Variants in NECTIN3 observed in about 807,000 individuals in gnomAD.
NECTIN3 encodes the protein nectin-3.
In NECTIN3, 8 loss-of-function variants were observed where a neutral mutation model predicts 49.4. That is an observed-to-expected ratio of 0.16 (90% CI 0.10 to 0.29). The LOEUF (loss-of-function observed/expected upper bound fraction) is 0.29, where lower values mean the gene tolerates loss of function less well. Among genes scored for constraint, NECTIN3 ranks in the 10% least tolerant of loss-of-function variants. The probability of loss-of-function intolerance (pLI) is 1.00; values close to 1 mark genes in which losing one functional copy is unlikely to be tolerated. For missense variants in NECTIN3, 581 were observed against 654.6 expected (o/e 0.89, Z 1.23); for synonymous variants, 277 against 241.1 (o/e 1.15, Z -1.38).
Position 111,135,973 on chromosome 3 carries a change from G to GA in NECTIN3, c.*1758_*1759insA. ...TTACAAATGTCTGGGTTTTAATATG[G>GA]TTAATCACTTATATACAAATATTAC... On this transcript the variant is annotated 3_prime_UTR_variant, in exon 6 of 6. Transcript: ENST00000485303. 1.1e-6 allele frequency: 1 copy of GA among 946,650 alleles called. No homozygotes were observed. The highest frequency in any genetic ancestry group is 1.3e-6 in the Non-Finnish European group (1 of 795,170). 58.6% of individuals were successfully genotyped at this position (946,650 alleles called of 1,614,324 possible).
At chr3:111,078,102 C>G (rs1576065266) in intron 1 of NECTIN3, among the ~76,000 whole-genome samples, 1 of 152,264 alleles carries the variant, frequency 6.6e-6, no homozygotes, top group East Asian at 1.9e-4. Context: ...TCAATTTGGA[C>G]TAGCCACATT....
In NECTIN3 at chr3:111,135,848, ATT is replaced by A. The variant is rs1334564352; in HGVS notation, c.*1634_*1635del. On this transcript the variant is annotated 3_prime_UTR_variant, in exon 6 of 6. Transcript: ENST00000485303. ...TTTTAACTAGCACTATTTTGTGGAA[ATT>A]AGAAACCTCTTTTATTTCTCTTCCC... is the stretch of plus-strand genomic sequence containing the variant. 1.1e-6 allele frequency: 1 copy of A among 927,478 alleles called. No individual in the cohort carries two copies. The highest frequency in any genetic ancestry group is 1.8e-5 in the African/African-American group (1 of 55,496). 57.5% of individuals were successfully genotyped at this position (927,478 alleles called of 1,614,324 possible). A position where few individuals can be genotyped will look rare whatever the true frequency, so the allele number is the denominator to read the frequency against.
At chr3:111,074,118 A>G (rs1576058529) in intron 1 of NECTIN3, 1 of 436,356 alleles carries the variant, frequency 2.3e-6, no homozygotes, top group Non-Finnish European at 4.6e-6. Flanking sequence ...TTATAGTGTT[A>G]TAACACCCTA....
intron 1 of NECTIN3, among the ~76,000 whole-genome samples, chr3:111,098,116 A>G (rs942481981): frequency 6.6e-6 from 1 of 152,156 alleles, no homozygotes; most frequent in African/African-American, 2.4e-5. Flanking sequence ...TAATCTGTAA[A>G]GTTATCTGGA....
chr3:111,162,437 C>G lies in NECTIN3; in HGVS notation c.1221+14953C>G, dbSNP rs529551984. On this transcript the variant is annotated intron_variant, in intron 7 of 8. Coordinates refer to the NECTIN3 transcript ENST00000493615. Reference sequence around the variant, plus strand: ...ATGGTGTTATAAGGGGCTTTTCCCCCTTTTGCTAATGTGAAGAAGGATGTG... The same window carrying G: ...ATGGTGTTATAAGGGGCTTTTCCCCGTTTTGCTAATGTGAAGAAGGATGTG... 6.6e-5 allele frequency among the ~76,000 whole-genome samples: 10 copies of G among 152,210 alleles called. No homozygotes were observed. In the South Asian group the frequency reaches 1.4e-3, roughly 22 times the overall value.
Position 111,135,293 on chromosome 3 carries a change from A to C in NECTIN3, c.*1078A>C. Reference sequence around the variant, plus strand: ...ATAGAATTAGTCGGTAACACTTGCTAATGGACATTGGCATTCATCTCCTTT... The same window carrying C: ...ATAGAATTAGTCGGTAACACTTGCTCATGGACATTGGCATTCATCTCCTTT... On this transcript the variant is annotated 3_prime_UTR_variant, in exon 6 of 6. Transcript: ENST00000485303. The C allele has an allele frequency of 1.0e-6, 1 of 962,020 alleles. No homozygotes were observed. The highest frequency in any genetic ancestry group is 1.2e-6 in the Non-Finnish European group (1 of 809,012). 59.6% of individuals were successfully genotyped at this position (962,020 alleles called of 1,614,324 possible).
rs188650898 is a variant in NECTIN3, at chr3:111,085,328, A to G, written c.160+13151A>G. Reference sequence around the variant, plus strand: ...AAGCTGTGAGATTTTAGGCTTGATTAAAGTCAAAGTGCCAGTTAAATGCAG... The same window carrying G: ...AAGCTGTGAGATTTTAGGCTTGATTGAAGTCAAAGTGCCAGTTAAATGCAG... On this transcript the variant is annotated intron_variant, in intron 1 of 5. Coordinates refer to ENST00000485303, the MANE Select transcript of NECTIN3 (RefSeq NM_015480.3). 2.2e-3 allele frequency among the ~76,000 whole-genome samples: 330 copies of G among 152,336 alleles called. 1 individual carries two copies. The highest frequency in any genetic ancestry group is 3.8e-3 in the Non-Finnish European group (257 of 68,026).
intron 1 of NECTIN3, among the ~76,000 whole-genome samples, chr3:111,081,810 C>T (rs914903952): frequency 2.6e-5 from 4 of 152,100 alleles, no homozygotes; most frequent in African/African-American, 9.7e-5. Flanking sequence ...TTAGTGTTCT[C>T]ATGTGACTCA....
chr3:111,147,633 G>T, intron 7 of NECTIN3: 1 of 699,780 alleles, frequency 1.4e-6, no homozygotes, highest in Non-Finnish European at 2.3e-6. Context: ...TAGTCATTAT[G>T]CATTAAAGAT....
At chr3:111,075,980 A>G (rs957645695) in intron 1 of NECTIN3, among the ~76,000 whole-genome samples, 1 of 152,108 alleles carries the variant, frequency 6.6e-6, no homozygotes, top group African/African-American at 2.4e-5. Context: ...TCTGCATCCT[A>G]AACAGATATT....
Position 111,193,061 on chromosome 3 carries a change from T to C in NECTIN3, c.63+648T>C, listed in dbSNP as rs1189238666. On this transcript the variant is annotated intron_variant, in intron 1 of 1. Coordinates refer to the NECTIN3 transcript ENST00000485506. Reference sequence around the variant, plus strand: ...CTGGAAAATATAAGTTGTTGAACTTTACCTTGCCATTCAATAGTTTTTGGC... The same window carrying C: ...CTGGAAAATATAAGTTGTTGAACTTCACCTTGCCATTCAATAGTTTTTGGC... 5.5e-6 allele frequency: 4 copies of C among 724,224 alleles called. No homozygotes were observed. The African/African-American group carries it at 7.1e-5, about 13-fold the overall frequency. The allele number at this position is 724,224 out of a possible 1,614,324, so 44.9% of individuals were successfully genotyped here. A position where few individuals can be genotyped will look rare whatever the true frequency, so the allele number is the denominator to read the frequency against.
chr3:111,148,946 T>C (rs1015151684), intron 7 of NECTIN3, among the ~76,000 whole-genome samples: 17 of 152,228 alleles, frequency 1.1e-4, no homozygotes, highest in African/African-American at 3.4e-4. Flanking sequence ...TCCTTCTCTC[T>C]CCTTGAACTA....
At chr3:111,073,061 A>G (rs1227500031) in intron 1 of NECTIN3, 1 of 151,834 alleles carries the variant, frequency 6.6e-6, no homozygotes, top group Non-Finnish European at 1.5e-5. Context: ...TGCCTCATGC[A>G]AGAGAAATGG....
intron 1 of NECTIN3, among the ~76,000 whole-genome samples, chr3:111,106,198 G>A (rs1389266728): frequency 6.6e-6 from 1 of 151,952 alleles, no homozygotes; most frequent in Non-Finnish European, 1.5e-5. Context: ...CTTGCTAATT[G>A]TCTGTTTCCT....
rs773125837 is a variant in NECTIN3, at chr3:111,071,983, G to A, written c.-35G>A. The A allele has an allele frequency of 1.5e-6, 2 of 1,355,756 alleles. No individual in the cohort carries two copies. The highest frequency in any genetic ancestry group is 1.9e-6 in the Non-Finnish European group (2 of 1,031,632). 84.0% of individuals were successfully genotyped at this position (1,355,756 alleles called of 1,614,324 possible). A position where few individuals can be genotyped will look rare whatever the true frequency, so the allele number is the denominator to read the frequency against. On this transcript the variant is annotated 5_prime_UTR_variant, in exon 1 of 6. Coordinates refer to ENST00000485303, the MANE Select transcript of NECTIN3 (RefSeq NM_015480.3). ...GCGCCGGGGCCGGGGGAGCCGGGGG[G>A]CGGGCGGGCGAGCGGGCCGGGGGGA... is the stretch of plus-strand genomic sequence containing the variant.
At chr3:111,176,677 T>G (rs545904482) in intron 7 of NECTIN3, among the ~76,000 whole-genome samples, 5 of 152,266 alleles carry the variant, frequency 3.3e-5, no homozygotes, top group African/African-American at 1.2e-4. Context: ...TTTCTTTTTT[T>G]TTTCTTCTGG....
Position 111,136,369 on chromosome 3 carries a change from T to C in NECTIN3, c.*2154T>C. 1 of 984,748 alleles carries C rather than the reference T, an allele frequency of 1.0e-6. No homozygotes were observed. Among genetic ancestry groups the C allele is most frequent in the South Asian group, 4.7e-5 (1 of 21,282 alleles). 61.0% of individuals were successfully genotyped at this position (984,748 alleles called of 1,614,324 possible). ...GATTAGGTTTTTTTGTTTGTTTCTT[T>C]TGTGTTTGTTTGGCGGGAGAGGGTG... On this transcript the variant is annotated 3_prime_UTR_variant, in exon 6 of 6. Coordinates refer to ENST00000485303, the MANE Select transcript of NECTIN3 (RefSeq NM_015480.3).
Position 111,122,150 on chromosome 3 carries a change from G to A in NECTIN3, c.829G>A (p.Asp277Asn), listed in dbSNP as rs1435893649. The A allele has an allele frequency of 1.2e-6, 2 of 1,612,988 alleles. No individual in the cohort carries two copies. Among genetic ancestry groups the A allele is most frequent in the Non-Finnish European group, 8.5e-7 (1 of 1,179,180 alleles). Residue 277 changes from aspartate (D) to asparagine (N), a missense_variant, in exon 4 of 6, where the codon GAT becomes AAT. By Grantham distance (23) the Asp-to-Asn change is conservative. Coordinates refer to ENST00000485303, the MANE Select transcript of NECTIN3 (RefSeq NM_015480.3). ...YAPEVSVTGY[D>N]GNWFVGRKGV... ...TCCTGAAGTTTCGGTAACAGGATAT[G>A]ATGGAAATTGGTTTGTAGGAAGAAA...
Position 111,084,044 on chromosome 3 carries a change from C to T in NECTIN3, c.160+11867C>T, listed in dbSNP as rs529774044. On this transcript the variant is annotated intron_variant, in intron 1 of 5. Transcript: ENST00000485303. ...GAGAAGCAGGAGAAGCTCATTGATA[C>T]GGCAAGGTCCAGGAAAAGAGATAAG... is the stretch of plus-strand genomic sequence containing the variant. Among the ~76,000 whole-genome samples, 9 of 152,176 alleles carry T rather than the reference C, an allele frequency of 5.9e-5. No individual in the cohort carries two copies. In the South Asian group the frequency reaches 6.2e-4, roughly 11 times the overall value.
Sources: gnomAD v4.1 joint callset for allele counts (sites outside exome capture counted in the v4.1 genomes callset) on GRCh38, gnomAD v4.1.1 for gene constraint, MANE v1.5 for transcripts, NCBI Gene and HGNC (gene_info 2026-07-23, HGNC 2026-07-21) for gene names.